Variants in TENM3 observed in about 807,000 individuals in gnomAD.
TENM3 encodes teneurin transmembrane protein 3.
A neutral mutation model predicts 255.1 loss-of-function variants in TENM3; 63 were observed. That is an observed-to-expected ratio of 0.25 (90% CI 0.20 to 0.30). The LOEUF is 0.30. Among genes scored for constraint, TENM3 ranks in the 10% least tolerant of loss-of-function variants. TENM3 has a pLI of 1.00. For synonymous variants in TENM3, 1,306 were observed against 1,322.3 expected (o/e 0.99, Z 0.27); for missense variants, 2,929 against 3,461.1 (o/e 0.85, Z 3.86).
the TENM3 span, among the ~76,000 whole-genome samples, chr4:181,538,697 C>T: frequency 6.6e-6 from 1 of 152,166 alleles, no homozygotes; most frequent in Admixed American, 6.5e-5. Flanking sequence ...AATCTAAGCA[C>T]AAGGTAATAA....
intron 3 of TENM3, among the ~76,000 whole-genome samples, chr4:182,512,978 A>T (rs914935278): frequency 9.2e-5 from 14 of 152,212 alleles, no homozygotes; most frequent in Admixed American, 3.9e-4. Context: ...ATAGGACATG[A>T]TATCCTTTTA....
the TENM3 span, among the ~76,000 whole-genome samples, chr4:182,022,311 T>C: frequency 6.6e-6 from 1 of 152,226 alleles, no homozygotes; most frequent in Non-Finnish European, 1.5e-5. Context: ...GAAAATCAAA[T>C]ACTGCATGTT....
At chr4:181,521,032 G>A in the TENM3 span, among the ~76,000 whole-genome samples, 1 of 150,454 alleles carries the variant, frequency 6.6e-6, no homozygotes, top group Non-Finnish European at 1.5e-5. Context: ...TCTCCCCAGA[G>A]CTCTCAGCCA....
At chr4:181,777,572 G>A in the TENM3 span, among the ~76,000 whole-genome samples, 9 of 151,894 alleles carry the variant, frequency 5.9e-5, no homozygotes, top group Non-Finnish European at 1.3e-4. Context: ...TCCTGCTATT[G>A]TCAACAAGAT....
intron 22 of TENM3, among the ~76,000 whole-genome samples, chr4:182,758,550 C>T (rs924604906): frequency 2.6e-5 from 4 of 152,076 alleles, no homozygotes; most frequent in Non-Finnish European, 5.9e-5. Flanking sequence ...ATAGAGGCAG[C>T]GGGGGGCTTC....
At chr4:181,465,336 T>A in the TENM3 span, among the ~76,000 whole-genome samples, 2 of 87,368 alleles carry the variant, frequency 2.3e-5, no homozygotes, top group African/African-American at 6.2e-5. Flanking sequence ...AGATATATAT[T>A]TTTTTCTCTT....
At chr4:182,039,514 A>C in the TENM3 span, among the ~76,000 whole-genome samples, 2 of 152,184 alleles carry the variant, frequency 1.3e-5, no homozygotes, top group African/African-American at 4.8e-5. Flanking sequence ...CACCAAGGAC[A>C]TATATGCAGT....
chr4:181,555,506 A>G, the TENM3 span, among the ~76,000 whole-genome samples: 1 of 152,236 alleles, frequency 6.6e-6, no homozygotes, highest in Admixed American at 6.5e-5. Flanking sequence ...ACCATATTTA[A>G]TTGATAAAAA....
chr4:182,049,962 C>T, the TENM3 span, among the ~76,000 whole-genome samples: 3 of 151,020 alleles, frequency 2.0e-5, no homozygotes, highest in African/African-American at 7.3e-5. Context: ...AAGGCAAGGG[C>T]ACGTTTAAAA....
chr4:182,272,128 G>A (rs747503177), intron 1 of TENM3, among the ~76,000 whole-genome samples: 10 of 152,126 alleles, frequency 6.6e-5, no homozygotes, highest in Admixed American at 4.6e-4. Context: ...AGGTATAGAT[G>A]TCTTATTTAT....
At chr4:182,213,865 G>A (rs184860571) in intron 1 of TENM3, among the ~76,000 whole-genome samples, 256 of 152,076 alleles carry the variant, frequency 1.7e-3, no homozygotes, top group African/African-American at 5.8e-3. Context: ...GCAGTGGCGC[G>A]ATCTCGGCTC....
intron 1 of TENM3, among the ~76,000 whole-genome samples, chr4:182,260,901 A>G (rs572693529): frequency 1.3e-5 from 2 of 151,910 alleles, no homozygotes; most frequent in African/African-American, 4.8e-5. Flanking sequence ...TCTGAGTCGG[A>G]GACTTGCCCT....
chr4:182,644,467 G>C (rs1245488892), intron 5 of TENM3, among the ~76,000 whole-genome samples: 1 of 152,008 alleles, frequency 6.6e-6, no homozygotes, highest in Non-Finnish European at 1.5e-5. Context: ...AACATATACG[G>C]GTTAAAAACA....
the TENM3 span, among the ~76,000 whole-genome samples, chr4:181,600,413 G>C: frequency 6.6e-6 from 1 of 152,098 alleles, no homozygotes; most frequent in African/African-American, 2.4e-5. Context: ...CTTATACCCA[G>C]AGACCCACAG....
chr4:181,816,546 A>G, the TENM3 span, among the ~76,000 whole-genome samples: 2 of 152,216 alleles, frequency 1.3e-5, no homozygotes, highest in Non-Finnish European at 2.9e-5. Flanking sequence ...ACTGGTTTGC[A>G]GACTGTAAAT....
At chr4:181,491,035 T>G in the TENM3 span, among the ~76,000 whole-genome samples, 1 of 152,140 alleles carries the variant, frequency 6.6e-6, no homozygotes. Context: ...TGCAAACTAA[T>G]TTTGACTCTG....
chr4:182,668,693 T>C (rs755032835), intron 6 of TENM3, among the ~76,000 whole-genome samples: 3 of 152,192 alleles, frequency 2.0e-5, no homozygotes, highest in Non-Finnish European at 2.9e-5. Flanking sequence ...TATTCACATA[T>C]CATTTCTGTG....
the TENM3 span, among the ~76,000 whole-genome samples, chr4:181,712,202 A>C: frequency 6.6e-6 from 1 of 152,142 alleles, no homozygotes; most frequent in Non-Finnish European, 1.5e-5. Flanking sequence ...TAAGGCCCTT[A>C]TATGGCTTGG....
chr4:182,424,803 A>G (rs1243068166), intron 3 of TENM3, among the ~76,000 whole-genome samples: 1 of 152,210 alleles, frequency 6.6e-6, no homozygotes, highest in Admixed American at 6.5e-5. Flanking sequence ...AAAGAAATTA[A>G]AAGGGAGAAA....
Sources: allele counts gnomAD v4.1 joint callset (sites outside exome capture counted in the v4.1 genomes callset), GRCh38; gene constraint gnomAD v4.1.1; transcripts MANE v1.5; gene names NCBI Gene and HGNC (gene_info 2026-07-23, HGNC 2026-07-21).